Variants in ERICH6B observed in about 807,000 individuals in gnomAD.
ERICH6B encodes glutamate rich 6B.
Under a neutral mutation model 80.0 loss-of-function variants are expected in ERICH6B, and 69 were observed. That is an observed-to-expected ratio of 0.86 (90% confidence interval 0.71 to 1.05). ERICH6B has a LOEUF of 1.05. Ranked by LOEUF, ERICH6B falls within the 50% of genes least tolerant of loss-of-function variation. The pLI is 0.00. For missense variants in ERICH6B, 754 were observed against 796.1 expected (o/e 0.95, Z 0.64); for synonymous variants, 283 against 291.9 (o/e 0.97, Z 0.31).
At chr13:45,568,109 G>T (rs1421051341) in intron 9 of ERICH6B, among the ~76,000 whole-genome samples, 1 of 152,096 alleles carries the variant, frequency 6.6e-6, no homozygotes, top group African/African-American at 2.4e-5. Flanking sequence ...GTTTGATTTT[G>T]GTCTGGCAGC....
At chr13:45,569,289 C>T (rs1875053589) in intron 8 of ERICH6B, among the ~76,000 whole-genome samples, 1 of 152,160 alleles carries the variant, frequency 6.6e-6, no homozygotes, top group African/African-American at 2.4e-5. Context: ...CCATGCCCAG[C>T]TAATTTTTGT....
At position 45,563,250 on chromosome 13, in the gene ERICH6B, G is replaced by C. The variant is rs111346537; in HGVS notation, c.1249+477C>G. Among the ~76,000 whole-genome samples, 1,031 of 152,158 alleles carry C rather than the reference G, an allele frequency of 6.8e-3. 12 individuals carry two copies. Among genetic ancestry groups the C allele is most frequent in the African/African-American group, 0.024 (976 of 41,502 alleles). On this transcript the variant is annotated intron_variant, in intron 10 of 14. Coordinates refer to ENST00000298738, the MANE Select transcript of ERICH6B (RefSeq NM_182542.3). Reference sequence around the variant, plus strand: ...CCAAATCTGTGTTAGATCCCTTACTGTGTGGTCCCACAGTGTCCCCTTCCC... The same window carrying C: ...CCAAATCTGTGTTAGATCCCTTACTCTGTGGTCCCACAGTGTCCCCTTCCC...
chr13:45,587,432 G>T (rs1301739176), intron 4 of ERICH6B, among the ~76,000 whole-genome samples, 200 bp from the exon 5 acceptor site: 1 of 152,154 alleles, frequency 6.6e-6, no homozygotes, highest in African/African-American at 2.4e-5. Context: ...ACACATTGCC[G>T]CTGCTGCTTC....
chr13:45,564,588 C>G (rs1446065790), intron 9 of ERICH6B, among the ~76,000 whole-genome samples: 1 of 152,230 alleles, frequency 6.6e-6, no homozygotes, highest in African/African-American at 2.4e-5. Context: ...AAGGGCTGCA[C>G]TGTTACCTAG....
At chr13:45,554,586 T>C (rs940998019) in intron 11 of ERICH6B, among the ~76,000 whole-genome samples, 2 of 152,228 alleles carry the variant, frequency 1.3e-5, no homozygotes, top group African/African-American at 2.4e-5. Context: ...AAGAACCCCA[T>C]GGACAAAGCA....
chr13:45,602,208 C>A (rs1949831393), intron 2 of ERICH6B, among the ~76,000 whole-genome samples: 1 of 152,138 alleles, frequency 6.6e-6, no homozygotes, highest in South Asian at 2.1e-4. Context: ...TGGGGCAGTG[C>A]TGGAGTTGAG....
At chr13:45,559,164 C>T (rs1462692775) in intron 11 of ERICH6B, among the ~76,000 whole-genome samples, 1 of 152,138 alleles carries the variant, frequency 6.6e-6, no homozygotes, top group Non-Finnish European at 1.5e-5. Context: ...TTGTCTGTCT[C>T]CTCTAGGTCT....
intron 10 of ERICH6B, among the ~76,000 whole-genome samples, chr13:45,562,452 G>A (rs1446318903): frequency 6.6e-6 from 1 of 152,128 alleles, no homozygotes; most frequent in Non-Finnish European, 1.5e-5. Context: ...AACTGGTAAG[G>A]ACAACTGAAA....
At chr13:45,610,163 A>G (rs1277288985) in intron 1 of ERICH6B, among the ~76,000 whole-genome samples, 1 of 152,208 alleles carries the variant, frequency 6.6e-6, no homozygotes, top group Non-Finnish European at 1.5e-5. Flanking sequence ...CCTGCAGACA[A>G]CATCACTATT....
At chr13:45,601,997 C>T (rs1320009853) in intron 2 of ERICH6B, among the ~76,000 whole-genome samples, 8 of 152,312 alleles carry the variant, frequency 5.3e-5, no homozygotes, top group South Asian at 2.1e-4. Flanking sequence ...TGTGTGTAAA[C>T]GTCTATGTGT....
At position 45,604,383 on chromosome 13, in the gene ERICH6B, C is replaced by T. The variant is rs191195928; in HGVS notation, c.-59+3181G>A. ...CAACCAGAAAGCCCCGGGGATGCTG[C>T]GGCAGAAGCCCCTCATGCTGCCCAT... On this transcript the variant is annotated intron_variant, in intron 2 of 14. Transcript: ENST00000298738. 1.6e-3 allele frequency among the ~76,000 whole-genome samples: 247 copies of T among 152,324 alleles called. 3 individuals carry two copies. Among genetic ancestry groups the T allele is most frequent in the Non-Finnish European group, 2.1e-3 (145 of 68,030 alleles).
intron 1 of ERICH6B, among the ~76,000 whole-genome samples, chr13:45,610,915 G>T (rs548994124): frequency 6.6e-6 from 1 of 151,456 alleles, no homozygotes; most frequent in African/African-American, 2.4e-5. Context: ...TACAGACTAG[G>T]TCTAATCAAG....
chr13:45,542,169 G>T (rs1462759974), intron 14 of ERICH6B, among the ~76,000 whole-genome samples: 3 of 152,214 alleles, frequency 2.0e-5, no homozygotes, highest in African/African-American at 7.2e-5. Context: ...TTCTGCCTGG[G>T]TCTGCAGCCT....
chr13:45,586,967 A>G (rs1045324704), intron 5 of ERICH6B, 96 bp downstream of exon 5: 2 of 1,292,696 alleles, frequency 1.5e-6, no homozygotes, highest in East Asian at 2.5e-5. Context: ...ATGAAAGGCA[A>G]TACTCGAGCC....
At chr13:45,583,119 C>T (rs924283341) in intron 5 of ERICH6B, among the ~76,000 whole-genome samples, 2 of 152,182 alleles carry the variant, frequency 1.3e-5, no homozygotes, top group African/African-American at 4.8e-5. Flanking sequence ...TCTTTAGTTC[C>T]TGCTATTTCT....
chr13:45,561,668 G>A lies in ERICH6B; in HGVS notation c.1250-142C>T, dbSNP rs560077270. 3.0e-4 allele frequency: 260 copies of A among 854,312 alleles called. 4 individuals carry two copies. The South Asian group carries it at 3.1e-3, about 10-fold the overall frequency. 52.9% of individuals were successfully genotyped at this position (854,312 alleles called of 1,614,324 possible). A position where few individuals can be genotyped will look rare whatever the true frequency, so the allele number is the denominator to read the frequency against. ...TTTTTCCCCAGTGAGGAAGGCTGTC[G>A]GGTAGTGGGAAGATTAAGGCCTTTG... On this transcript the variant is annotated intron_variant, in intron 10 of 14. Coordinates refer to ENST00000298738, the MANE Select transcript of ERICH6B (RefSeq NM_182542.3).
At chr13:45,588,876 C>T (rs1430975208) in intron 4 of ERICH6B, among the ~76,000 whole-genome samples, 1 of 152,118 alleles carries the variant, frequency 6.6e-6, no homozygotes, top group Non-Finnish European at 1.5e-5. Context: ...CAGGGAGGAG[C>T]CATTGGATCC....
intron 2 of ERICH6B, among the ~76,000 whole-genome samples, chr13:45,603,322 C>T (rs143787544): frequency 8.5e-5 from 13 of 152,334 alleles, no homozygotes; most frequent in Admixed American, 2.0e-4. Context: ...TAATGAGCCT[C>T]CCTTAGTTCA....
chr13:45,590,443 A>G (rs1283590735), intron 4 of ERICH6B, among the ~76,000 whole-genome samples: 1 of 152,058 alleles, frequency 6.6e-6, no homozygotes, highest in African/African-American at 2.4e-5. Flanking sequence ...CTGAGTACCC[A>G]GGACTCTGAT....
Sources: gnomAD v4.1 joint callset for allele counts (sites outside exome capture counted in the v4.1 genomes callset) on GRCh38, gnomAD v4.1.1 for gene constraint, MANE v1.5 for transcripts, NCBI Gene and HGNC (gene_info 2026-07-23, HGNC 2026-07-21) for gene names.